The following FILIP1L variants were observed in gnomAD, a reference collection of about 807,000 sequenced individuals.
FILIP1L encodes filamin A-interacting protein 1-like.
A neutral mutation model predicts 96.6 loss-of-function variants in FILIP1L; 55 were observed. The observed-to-expected ratio is 0.57, with a 90% CI of 0.46 to 0.71. The LOEUF is 0.71. Among genes scored for constraint, FILIP1L ranks in the 30% least tolerant of loss-of-function variants. The probability of loss-of-function intolerance (pLI) is 0.00; values close to 1 mark genes in which losing one functional copy is unlikely to be tolerated. For missense variants in FILIP1L, 1,304 were observed against 1,321.2 expected (o/e 0.99, Z 0.20); for synonymous variants, 467 against 473.9 (o/e 0.99, Z 0.19).
At chr3:100,067,763 T>C (rs970287569) in intron 1 of FILIP1L, among the ~76,000 whole-genome samples, 21 of 152,208 alleles carry the variant, frequency 1.4e-4, no homozygotes, top group Admixed American at 2.0e-4. Context: ...TACTTTGAAA[T>C]AGTCTCTGTG....
intron 1 of FILIP1L, among the ~76,000 whole-genome samples, chr3:100,013,327 TC>T (rs1176958402): frequency 6.6e-6 from 1 of 152,174 alleles, no homozygotes; most frequent in East Asian, 1.9e-4. Context: ...CACTGAATCC[TC>T]CACTTCCCAG....
intron 3 of FILIP1L, among the ~76,000 whole-genome samples, chr3:99,925,528 A>G (rs999375471): frequency 1.3e-5 from 2 of 152,182 alleles, no homozygotes; most frequent in African/African-American, 4.8e-5. Context: ...TTGTTTGGTC[A>G]CACATCTGCC....
In FILIP1L at chr3:100,007,533, G is replaced by A. The variant is rs75489599; in HGVS notation, c.-10-76503C>T. Among the ~76,000 whole-genome samples, 15 of 152,142 alleles carry A rather than the reference G, an allele frequency of 9.9e-5. No homozygotes were observed. In the East Asian group the frequency reaches 1.2e-3, roughly 12 times the overall value. On this transcript the variant is annotated intron_variant, in intron 1 of 5. Coordinates refer to ENST00000477258, the MANE Select transcript of FILIP1L (RefSeq NM_001387850.1). ...AGTCAGCAGAAACAGTAAGAGATCC[G>A]TTATGTAATGAAGAAGAGAGTCAGG...
chr3:99,884,880 C>T (rs1705843117), intron 4 of FILIP1L, among the ~76,000 whole-genome samples: 1 of 152,166 alleles, frequency 6.6e-6, no homozygotes, highest in South Asian at 2.1e-4. Flanking sequence ...GGCCTGTGTC[C>T]AGAAACTATT....
chr3:99,868,998 G>T (rs1197976249), intron 4 of FILIP1L, among the ~76,000 whole-genome samples: 1 of 152,114 alleles, frequency 6.6e-6, no homozygotes, highest in Non-Finnish European at 1.5e-5. Context: ...GTTGAACTCT[G>T]TGCATACTTG....
chr3:100,060,241 A>G (rs2065538545), intron 1 of FILIP1L, among the ~76,000 whole-genome samples: 1 of 152,160 alleles, frequency 6.6e-6, no homozygotes, highest in South Asian at 2.1e-4. Flanking sequence ...TTTAGAAAAT[A>G]AAATCTACTG....
intron 1 of FILIP1L, among the ~76,000 whole-genome samples, chr3:100,043,322 CTT>C (rs2065233998): frequency 6.6e-6 from 1 of 152,106 alleles, no homozygotes; most frequent in Non-Finnish European, 1.5e-5. Context: ...TATATTTTGT[CTT>C]TTGAAAGTCT....
intron 1 of FILIP1L, chr3:100,051,337 A>G (rs951196307): frequency 3.9e-5 from 6 of 152,032 alleles, no homozygotes; most frequent in South Asian, 2.1e-4. Context: ...ATTTAATAAT[A>G]TAAACCAATG....
chr3:99,992,242 C>T (rs181590843), intron 1 of FILIP1L, among the ~76,000 whole-genome samples: 4 of 152,136 alleles, frequency 2.6e-5, no homozygotes, highest in African/African-American at 4.8e-5. Context: ...TGAGAAACCT[C>T]CACACTGTTT....
chr3:99,862,078 G>A (rs1481114558), intron 4 of FILIP1L, among the ~76,000 whole-genome samples: 1 of 152,142 alleles, frequency 6.6e-6, no homozygotes, highest in Non-Finnish European at 1.5e-5. Context: ...GTAGGTTTTA[G>A]ATGTTCTCAC....
chr3:99,886,414 A>G (rs1247413376), intron 4 of FILIP1L, among the ~76,000 whole-genome samples: 1 of 142,170 alleles, frequency 7.0e-6, no homozygotes, highest in African/African-American at 2.8e-5. Flanking sequence ...ACCTGATGAG[A>G]AAAAAAAAAA....
intron 4 of FILIP1L, among the ~76,000 whole-genome samples, chr3:99,905,128 T>C (rs559955416): frequency 1.3e-5 from 2 of 152,370 alleles, no homozygotes; most frequent in African/African-American, 4.8e-5. Context: ...GCTTCTTGTC[T>C]ACCTTCCTAG....
chr3:99,983,454 ATATATGTGTG>A (rs1467472606), intron 1 of FILIP1L, among the ~76,000 whole-genome samples: 7 of 8,124 alleles, frequency 8.6e-4, no homozygotes, highest in African/African-American at 3.3e-3. Context: ...ATGTATATAT[ATATATGTGTG>A]TATATATATA....
intron 1 of FILIP1L, among the ~76,000 whole-genome samples, chr3:100,001,494 A>G (rs1709841234): frequency 6.6e-6 from 1 of 152,206 alleles, no homozygotes; most frequent in Non-Finnish European, 1.5e-5. Flanking sequence ...AGCCCAGTTT[A>G]TGAGAATGTA....
chr3:99,937,112 A>G (rs1299745294), intron 1 of FILIP1L, among the ~76,000 whole-genome samples: 2 of 151,598 alleles, frequency 1.3e-5, no homozygotes, highest in African/African-American at 2.4e-5. Context: ...ATTTTTTTGT[A>G]TTTTTAGTAG....
intron 1 of FILIP1L, among the ~76,000 whole-genome samples, chr3:100,013,214 G>GTGTTGTTGTTGTTGTTGTTGTTGTTGT (rs35047568): frequency 6.9e-6 from 1 of 145,414 alleles, no homozygotes; most frequent in African/African-American, 2.6e-5. Context: ...GGCCAGTGAG[G>GTGTTGTTGTTGTTGTTGTTGTTGTTGT]TGTTGTTGTT....
chr3:99,991,608 T>C (rs1387649), intron 1 of FILIP1L, among the ~76,000 whole-genome samples: 124,544 of 151,720 alleles, frequency 0.82, 51,186 homozygotes, highest in East Asian at 0.88. Flanking sequence ...CCCTGCCACC[T>C]TCCCACCTTT....
intron 4 of FILIP1L, among the ~76,000 whole-genome samples, chr3:99,917,343 G>T (rs188082270): frequency 1.3e-4 from 20 of 152,202 alleles, no homozygotes; most frequent in African/African-American, 4.6e-4. Context: ...CTGTATTTTA[G>T]TTGTGTGTAA....
rs539571772 is a variant in FILIP1L, at chr3:100,062,236, C to T, written c.-11+51817G>A. On this transcript the variant is annotated intron_variant, in intron 1 of 5. Coordinates refer to ENST00000477258, the MANE Select transcript of FILIP1L (RefSeq NM_001387850.1). ...AGGCCATTCTCCTGCCTCAGCTGCCCGAGTAGCTGGGACTACAGGCGCTCG... is the reference window on the plus strand; with the variant it reads ...AGGCCATTCTCCTGCCTCAGCTGCCTGAGTAGCTGGGACTACAGGCGCTCG... Among the ~76,000 whole-genome samples the T allele has an allele frequency of 2.0e-4, 30 of 150,814 alleles. No homozygotes were observed. In the South Asian group the frequency reaches 5.9e-3, roughly 30 times the overall value.
Sources: allele counts gnomAD v4.1 joint callset (sites outside exome capture counted in the v4.1 genomes callset), GRCh38; gene constraint gnomAD v4.1.1; transcripts MANE v1.5; gene names NCBI Gene and HGNC (gene_info 2026-07-23, HGNC 2026-07-21).